Variants in LRRC3B observed in about 807,000 individuals in gnomAD.
LRRC3B encodes leucine rich repeat containing 3B.
In LRRC3B, 2 loss-of-function variants were observed where a neutral mutation model predicts 12.8. The ratio of observed to expected loss-of-function variants is 0.16; its 90% CI spans 0.06 to 0.49. The LOEUF is 0.49. Ranked by LOEUF, LRRC3B falls within the 20% of genes least tolerant of loss-of-function variation. The pLI is 0.96. For missense variants in LRRC3B, 189 were observed against 319.4 expected (o/e 0.59, Z 3.11); for synonymous variants, 132 against 122.0 (o/e 1.08, Z -0.54).
At chr3:26,675,413 A>G (rs1699836809) in intron 1 of LRRC3B, among the ~76,000 whole-genome samples, 1 of 152,172 alleles carries the variant, frequency 6.6e-6, no homozygotes, top group Admixed American at 6.5e-5. Context: ...TGTGCCAACT[A>G]CCCACTGTCT....
intron 1 of LRRC3B, among the ~76,000 whole-genome samples, chr3:26,691,280 G>C (rs1188332658): frequency 6.6e-6 from 1 of 151,678 alleles, no homozygotes; most frequent in Non-Finnish European, 1.5e-5. Context: ...TTATATGAAG[G>C]TTAGGGATGA....
At chr3:26,685,880 T>G (rs1345479405) in intron 1 of LRRC3B, among the ~76,000 whole-genome samples, 3 of 152,030 alleles carry the variant, frequency 2.0e-5, no homozygotes, top group African/African-American at 7.2e-5. Flanking sequence ...AATAGCTTAG[T>G]CCAGTCTCTC....
chr3:26,704,102 T>C (rs1403845741), intron 1 of LRRC3B, among the ~76,000 whole-genome samples: 1 of 152,162 alleles, frequency 6.6e-6, no homozygotes, highest in East Asian at 1.9e-4. Context: ...TAGTTTCTGA[T>C]ATACCCTTTT....
intron 1 of LRRC3B, among the ~76,000 whole-genome samples, chr3:26,629,973 A>C (rs1698720174): frequency 3.4e-5 from 1 of 29,382 alleles, no homozygotes; most frequent in Non-Finnish European, 6.4e-5. Context: ...AAGCATGGCA[A>C]AAAAAAAAAA....
intron 1 of LRRC3B, among the ~76,000 whole-genome samples, chr3:26,635,791 G>A (rs1698856415): frequency 6.6e-6 from 1 of 152,138 alleles, no homozygotes; most frequent in African/African-American, 2.4e-5. Context: ...CCACCAGCCT[G>A]GCACATAATT....
intron 1 of LRRC3B, among the ~76,000 whole-genome samples, chr3:26,636,431 G>A (rs1042330203): frequency 3.9e-5 from 6 of 152,154 alleles, no homozygotes; most frequent in Non-Finnish European, 8.8e-5. Flanking sequence ...TTTGAGAATG[G>A]AGAAGCAATT....
chr3:26,706,691 T>C (rs755021504), intron 1 of LRRC3B, among the ~76,000 whole-genome samples: 1 of 152,172 alleles, frequency 6.6e-6, no homozygotes, highest in Non-Finnish European at 1.5e-5. Context: ...GACTGATCAT[T>C]CTGGAGAAAC....
At position 26,671,496 on chromosome 3, in the gene LRRC3B, A is replaced by G. The variant is rs1436907640; in HGVS notation, c.-160-38017A>G. Reference sequence around the variant, plus strand: ...AACCTCTGCCTCCCAGTTTCAAGCAATTCTCCTGCCTCAGCCTCCCAAGTA... The same window carrying G: ...AACCTCTGCCTCCCAGTTTCAAGCAGTTCTCCTGCCTCAGCCTCCCAAGTA... On this transcript the variant is annotated intron_variant, in intron 1 of 1. Coordinates refer to ENST00000396641, the Ensembl canonical transcript of LRRC3B. Among the ~76,000 whole-genome samples, 20 of 146,572 alleles carry G rather than the reference A, an allele frequency of 1.4e-4. 1 individual carries two copies. In the Admixed American group the frequency reaches 1.4e-3, roughly 10 times the overall value.
intron 1 of LRRC3B, among the ~76,000 whole-genome samples, chr3:26,649,064 G>C (rs943551380): frequency 6.6e-6 from 1 of 152,232 alleles, no homozygotes; most frequent in African/African-American, 2.4e-5. Flanking sequence ...AGCTCATTTA[G>C]AGGATTAAAA....
intron 1 of LRRC3B, among the ~76,000 whole-genome samples, chr3:26,644,945 C>T (rs887247511): frequency 6.6e-6 from 1 of 152,130 alleles, no homozygotes; most frequent in African/African-American, 2.4e-5. Flanking sequence ...TACACATATA[C>T]ATATGCATAT....
chr3:26,635,985 T>C (rs974996738), intron 1 of LRRC3B, among the ~76,000 whole-genome samples: 1 of 152,102 alleles, frequency 6.6e-6, no homozygotes, highest in South Asian at 2.1e-4. Flanking sequence ...TACACACACA[T>C]ACACACACCC....
At chr3:26,634,409 G>A (rs1698821913) in intron 1 of LRRC3B, among the ~76,000 whole-genome samples, 1 of 152,222 alleles carries the variant, frequency 6.6e-6, no homozygotes, top group African/African-American at 2.4e-5. Context: ...TTTAACAATA[G>A]ATGGGGGAAG....
intron 1 of LRRC3B, among the ~76,000 whole-genome samples, chr3:26,692,739 T>C (rs1008994606): frequency 3.9e-5 from 6 of 152,244 alleles, no homozygotes; most frequent in East Asian, 1.9e-4. Flanking sequence ...AAAATAGCCA[T>C]GTGTATCAGT....
chr3:26,642,479 G>C (rs1358034138), intron 1 of LRRC3B, among the ~76,000 whole-genome samples: 1 of 152,208 alleles, frequency 6.6e-6, no homozygotes, highest in Non-Finnish European at 1.5e-5. Flanking sequence ...AAATAAGCCA[G>C]AGAACTTCAT....
At chr3:26,669,106 C>T (rs946882913) in intron 1 of LRRC3B, among the ~76,000 whole-genome samples, 2 of 152,228 alleles carry the variant, frequency 1.3e-5, no homozygotes, top group African/African-American at 4.8e-5. Context: ...TCCAAAAGTC[C>T]TACTGAATTT....
At chr3:26,677,831 C>T (rs964727576) in intron 1 of LRRC3B, among the ~76,000 whole-genome samples, 7 of 151,998 alleles carry the variant, frequency 4.6e-5, no homozygotes, top group African/African-American at 1.7e-4. Context: ...GACAGGGTCT[C>T]ACTCTGTCAT....
chr3:26,673,372 T>C (rs767375364), intron 1 of LRRC3B, among the ~76,000 whole-genome samples: 11 of 151,990 alleles, frequency 7.2e-5, no homozygotes, highest in Non-Finnish European at 1.5e-4. Flanking sequence ...CTGAAGAGGG[T>C]ATTGGGAGAT....
chr3:26,629,937 G>A (rs1159755273), intron 1 of LRRC3B, among the ~76,000 whole-genome samples: 3 of 149,612 alleles, frequency 2.0e-5, no homozygotes, highest in African/African-American at 7.5e-5. Flanking sequence ...GGAAAGGTGG[G>A]GGCAGGAGAG....
chr3:26,659,722 A>C (rs772328101), intron 1 of LRRC3B, among the ~76,000 whole-genome samples: 63 of 152,266 alleles, frequency 4.1e-4, no homozygotes, highest in Non-Finnish European at 6.0e-4. Context: ...TGCTTTGTTT[A>C]GGTTTTCTGA....
Sources: gnomAD v4.1 joint callset for allele counts (sites outside exome capture counted in the v4.1 genomes callset) on GRCh38, gnomAD v4.1.1 for gene constraint, MANE v1.5 for transcripts, NCBI Gene and HGNC (gene_info 2026-07-23, HGNC 2026-07-21) for gene names.